Variants in STMN1 observed in about 807,000 individuals in gnomAD.
STMN1 encodes stathmin.
STMN1 carries 3 observed loss-of-function variants against 19.7 expected under a neutral mutation model. The observed-to-expected ratio is 0.15, with a 90% confidence interval of 0.07 to 0.39. The LOEUF (loss-of-function observed/expected upper bound fraction) is 0.39. Among genes scored for constraint, STMN1 ranks in the 10% least tolerant of loss-of-function variants. The pLI is 1.00. For missense variants in STMN1, 99 were observed against 176.0 expected, an observed-to-expected ratio of 0.56 and a Z score of 2.48; for synonymous variants, 59 against 58.9, an observed-to-expected ratio of 1.00 and a Z score of -0.01.
Position 25,900,810 on chromosome 1 carries a change from C to G in STMN1, c.*206G>C, listed in dbSNP as rs1413898513. ...AAAATAGCTACATTAGAAAGACCAA[C>G]ACTTTAGAAAAAGAGTAAAACACTT... On this transcript the variant is annotated 3_prime_UTR_variant, in exon 5 of 5. Transcript: ENST00000455785. 7.3e-7 allele frequency: 1 copy of G among 1,376,948 alleles called. No homozygotes were observed. Among genetic ancestry groups the G allele is most frequent in the East Asian group, 2.7e-5 (1 of 37,122 alleles). 85.3% of individuals were successfully genotyped at this position (1,376,948 alleles called of 1,614,324 possible).
downstream of STMN1, among the ~76,000 whole-genome samples, chr1:25,898,536 A>G (rs2048840269): frequency 6.6e-6 from 1 of 152,128 alleles, no homozygotes; most frequent in South Asian, 2.1e-4. Context: ...GCCAGTGTGG[A>G]GCACAATCTA....
At chr1:25,893,836 T>C (rs10465890) in intron 4 of STMN1, among the ~76,000 whole-genome samples, 4,048 of 152,316 alleles carry the variant, frequency 0.027, 178 homozygotes, top group African/African-American at 0.088. Context: ...CCACTGCGCC[T>C]GGCCAATGTG....
downstream of STMN1, among the ~76,000 whole-genome samples, chr1:25,899,035 A>G (rs1435543946): frequency 6.6e-6 from 1 of 152,204 alleles, no homozygotes; most frequent in African/African-American, 2.4e-5. Context: ...CAGAGCTTCT[A>G]TTTCTGTGGT....
chr1:25,895,861 A>C (rs1335500227), downstream of STMN1, among the ~76,000 whole-genome samples: 1 of 152,176 alleles, frequency 6.6e-6, no homozygotes, highest in Non-Finnish European at 1.5e-5. Context: ...CAGACCCTTC[A>C]TTTGCTTCTA....
downstream of STMN1, chr1:25,884,326 G>C (rs1015828443): frequency 6.6e-6 from 1 of 152,070 alleles, no homozygotes; most frequent in Non-Finnish European, 1.5e-5. Context: ...TTGGAACTGA[G>C]AGAAGAACTC....
Position 25,900,482 on chromosome 1 carries a change from C to G in STMN1, c.*534G>C, listed in dbSNP as rs937518593. ...GTGCGTTGGGTATTTCTACCAGCCC[C>G]AAAGGCCCCATCTGGAACAAGTATC... is the stretch of plus-strand genomic sequence containing the variant. On this transcript the variant is annotated 3_prime_UTR_variant, in exon 5 of 5. Transcript: ENST00000455785. 2.0e-6 allele frequency: 2 copies of G among 985,766 alleles called. No individual in the cohort carries two copies. Among genetic ancestry groups the G allele is most frequent in the Non-Finnish European group, 2.4e-6 (2 of 830,016 alleles). The allele number at this position is 985,766 out of a possible 1,614,324, so 61.1% of individuals were successfully genotyped here. A position where few individuals can be genotyped will look rare whatever the true frequency, so the allele number is the denominator to read the frequency against.
At chr1:25,891,409 A>G (rs1310259490) in intron 4 of STMN1, among the ~76,000 whole-genome samples, 2 of 152,098 alleles carry the variant, frequency 1.3e-5, no homozygotes, top group African/African-American at 4.8e-5. Flanking sequence ...AGCTCAAACA[A>G]CTTCAGTCAT....
chr1:25,886,150 G>C (rs1157575138), intron 4 of STMN1, among the ~76,000 whole-genome samples: 1 of 152,188 alleles, frequency 6.6e-6, no homozygotes, highest in Non-Finnish European at 1.5e-5. Flanking sequence ...AGGTGGTGAT[G>C]ACCTAGGCTC....
rs1014994736 is a variant in STMN1 at position 25,901,067 on chromosome 1, C to T, written c.399G>A (p.Val133=). The T allele has an allele frequency of 2.0e-5, 32 of 1,607,538 alleles. No homozygotes were observed. The highest frequency in any genetic ancestry group is 2.6e-5 in the Non-Finnish European group (31 of 1,177,816). ...GGTCTTTGGATTCTTTGTTCTTCCG[C>T]ACTTCTTCAATGTGCTTATCCTGTA... ...LREKDKHIEE[V]RKNKESKDPA... is the part of the protein sequence containing the mutation. Residue 133 remains valine (V), a synonymous_variant, in exon 5 of 5, where the codon GTG becomes GTA. Transcript: ENST00000455785.
rs775776097 is a variant in STMN1, at chr1:25,901,558, T to C, written c.311A>G (p.Lys104Arg). ...TCGGTTCTCTTTATTAGCTTCCATTTTGTGGGTCAGTTTCTCTTCTGCCAT... is the reference window on the plus strand; with the variant it reads ...TCGGTTCTCTTTATTAGCTTCCATTCTGTGGGTCAGTTTCTCTTCTGCCAT... ...SKMAEEKLTHKMEANKENREA... is the reference protein window; with the variant it reads ...SKMAEEKLTHRMEANKENREA... The change falls in exon 4 of 5, where the codon AAA becomes AGA. Residue 104 changes from lysine (K) to arginine (R), a missense_variant. Around this residue, in one of 3 missense-constraint regions of STMN1, gnomAD observed 54 missense variants for 79.4 expected, o/e 0.68. Transcript: ENST00000455785. 1.7e-5 allele frequency: 27 copies of C among 1,613,948 alleles called. No individual in the cohort carries two copies. The East Asian group carries it at 4.7e-4, about 28-fold the overall frequency.
chr1:25,891,331 TA>T (rs34481251), intron 4 of STMN1, among the ~76,000 whole-genome samples: 6,882 of 144,704 alleles, frequency 0.048, 192 homozygotes, highest in Non-Finnish European at 0.064. Flanking sequence ...AACTCCATCT[TA>T]AAAAAAAAAA....
At position 25,900,915 on chromosome 1, in the gene STMN1, C is replaced by T. The variant is rs781229646; in HGVS notation, c.*101G>A. 43 of 1,595,768 alleles carry T rather than the reference C, an allele frequency of 2.7e-5. No individual in the cohort carries two copies. Among genetic ancestry groups the T allele is most frequent in the Non-Finnish European group, 2.4e-5 (28 of 1,171,698 alleles). On this transcript the variant is annotated 3_prime_UTR_variant, in exon 5 of 5. Transcript: ENST00000455785. ...TACCTATACAGTCCTACATTAGCTT[C>T]TAAAATATTTGTCAGGAGGGAAAAA... is the stretch of plus-strand genomic sequence containing the variant.
intron 4 of STMN1, 182 bp downstream of exon 4, chr1:25,901,309 G>T: frequency 9.0e-7 from 1 of 1,111,576 alleles, no homozygotes; most frequent in Non-Finnish European, 1.3e-6. Flanking sequence ...TCCAAGGACT[G>T]TGCAATTATG....
chr1:25,885,782 G>C, exon 5 of STMN1: 25 of 1,551,750 alleles, frequency 1.6e-5, no homozygotes, highest in Non-Finnish European at 2.2e-5. Flanking sequence ...CCCAGGGCTG[G>C]GCAAAGGGCA....
downstream of STMN1, among the ~76,000 whole-genome samples, chr1:25,897,811 G>A (rs142724207): frequency 0.02 from 3,023 of 152,316 alleles, 58 homozygotes; most frequent in Middle Eastern, 0.037. Context: ...CTATGGTGGA[G>A]AAAATGAACA....
intron 4 of STMN1, among the ~76,000 whole-genome samples, chr1:25,888,040 G>T (rs1215494025): frequency 1.3e-5 from 2 of 151,960 alleles, no homozygotes; most frequent in Admixed American, 1.3e-4. Flanking sequence ...GTGGGAGGGG[G>T]GTCAGTGAAT....
At chr1:25,896,079 A>G (rs760908955), downstream of STMN1, among the ~76,000 whole-genome samples, 31 of 152,194 alleles carry the variant, frequency 2.0e-4, no homozygotes, top group Admixed American at 3.9e-4. Flanking sequence ...AGACACTTGA[A>G]TTAATGAGTA....
intron 2 of STMN1, among the ~76,000 whole-genome samples, chr1:25,904,291 C>T (rs1337398962): frequency 6.6e-6 from 1 of 151,992 alleles, no homozygotes; most frequent in African/African-American, 2.4e-5. Flanking sequence ...TAAGCCACTG[C>T]ACTCCAGCCT....
At chr1:25,885,872 G>T in intron 4 of STMN1, 1 of 1,538,504 alleles carries the variant, frequency 6.5e-7, no homozygotes, top group Admixed American at 2.1e-5. Flanking sequence ...AAGTACATCT[G>T]GAAGAAAAAG....
Sources: allele counts gnomAD v4.1 joint callset (sites outside exome capture counted in the v4.1 genomes callset), GRCh38; gene constraint gnomAD v4.1.1; regional missense constraint gnomAD v4.1.1; transcripts MANE v1.5; gene names NCBI Gene and HGNC (gene_info 2026-07-23, HGNC 2026-07-21).